The following TMEM163 variants were observed in gnomAD, a reference collection of about 807,000 sequenced individuals.
The protein encoded by TMEM163 is transmembrane protein 163.
TMEM163 carries 17 observed loss-of-function variants against 29.3 expected under a neutral mutation model. The observed-to-expected ratio is 0.58, with a 90% CI of 0.40 to 0.87. The LOEUF (loss-of-function observed/expected upper bound fraction) is 0.87, where lower values mean the gene tolerates loss of function less well. Among genes scored for constraint, TMEM163 ranks in the 40% least tolerant of loss-of-function variants. TMEM163 has a pLI of 0.00. For synonymous variants in TMEM163, 157 were observed against 160.6 expected, an observed-to-expected ratio of 0.98 and a Z score of 0.17; for missense variants, 303 against 381.5, an observed-to-expected ratio of 0.79 and a Z score of 1.71.
intron 5 of TMEM163, among the ~76,000 whole-genome samples, chr2:134,502,050 C>CA (rs1679706927): frequency 6.6e-6 from 1 of 152,166 alleles, no homozygotes; most frequent in Non-Finnish European, 1.5e-5. Flanking sequence ...CACACATATA[C>CA]ACACAAACAC....
chr2:134,615,717 C>T (rs1047681821), intron 2 of TMEM163, among the ~76,000 whole-genome samples: 4 of 132,816 alleles, frequency 3.0e-5, no homozygotes, highest in South Asian at 2.4e-4. Flanking sequence ...AGTGCAGTGG[C>T]GCAATCTCGG....
intron 2 of TMEM163, among the ~76,000 whole-genome samples, chr2:134,636,662 G>A (rs1371397088): frequency 6.6e-6 from 1 of 152,190 alleles, no homozygotes; most frequent in Non-Finnish European, 1.5e-5. Flanking sequence ...TGCCTTTGTA[G>A]CACTAACAAA....
At chr2:134,590,096 C>A (rs560297088) in intron 2 of TMEM163, among the ~76,000 whole-genome samples, 6 of 150,446 alleles carry the variant, frequency 4.0e-5, no homozygotes, top group African/African-American at 1.2e-4. Context: ...CCTCTCCCAC[C>A]CTCCAGGCCC....
intron 2 of TMEM163, among the ~76,000 whole-genome samples, chr2:134,663,441 C>T (rs981302198): frequency 1.3e-5 from 2 of 152,210 alleles, no homozygotes; most frequent in Admixed American, 1.3e-4. Flanking sequence ...AGATGATAAA[C>T]CCTTTGCAGA....
intron 2 of TMEM163, among the ~76,000 whole-genome samples, chr2:134,558,895 T>C (rs548583589): frequency 8.5e-5 from 13 of 152,282 alleles, no homozygotes; most frequent in Middle Eastern, 3.4e-3. Flanking sequence ...AATCCTACTT[T>C]AATTGGACAG....
chr2:134,631,644 T>C (rs1020114985), intron 2 of TMEM163, among the ~76,000 whole-genome samples: 4 of 152,346 alleles, frequency 2.6e-5, no homozygotes, highest in Admixed American at 2.6e-4. Flanking sequence ...ATGGGAGCTA[T>C]TTCTGGGTTC....
chr2:134,545,169 G>C (rs1680752202), intron 4 of TMEM163, among the ~76,000 whole-genome samples: 1 of 152,098 alleles, frequency 6.6e-6, no homozygotes, highest in Non-Finnish European at 1.5e-5. Flanking sequence ...AACAGATAGT[G>C]CTTCATTCTT....
intron 5 of TMEM163, among the ~76,000 whole-genome samples, chr2:134,480,789 C>CT (rs1282256215): frequency 6.6e-6 from 1 of 151,490 alleles, no homozygotes; most frequent in Non-Finnish European, 1.5e-5. Context: ...TTGTGCTCGA[C>CT]TAACACCCTG....
At chr2:134,587,488 C>G (rs1241414742) in intron 2 of TMEM163, among the ~76,000 whole-genome samples, 1 of 152,130 alleles carries the variant, frequency 6.6e-6, no homozygotes, top group African/African-American at 2.4e-5. Context: ...AAAACCTGAA[C>G]GCAGCAGGCC....
At chr2:134,634,282 C>G (rs1336421240) in intron 2 of TMEM163, among the ~76,000 whole-genome samples, 2 of 152,088 alleles carry the variant, frequency 1.3e-5, no homozygotes. Context: ...CGGTTCACAG[C>G]CAGGCTTTGG....
intron 2 of TMEM163, among the ~76,000 whole-genome samples, chr2:134,658,594 A>AAT (rs542562283): frequency 2.2e-4 from 33 of 149,784 alleles, no homozygotes; most frequent in Middle Eastern, 6.8e-3. Context: ...TTTTCTCTGA[A>AAT]ATATATATAT....
At chr2:134,715,723 G>A (rs572547407) in intron 1 of TMEM163, among the ~76,000 whole-genome samples, 109 of 152,332 alleles carry the variant, frequency 7.2e-4, no homozygotes, top group South Asian at 1.7e-3. Flanking sequence ...AAGATGTAGT[G>A]AGAATTCCTA....
intron 2 of TMEM163, among the ~76,000 whole-genome samples, chr2:134,640,410 C>A (rs10496730): frequency 0.044 from 6,633 of 152,046 alleles, 490 homozygotes; most frequent in African/African-American, 0.15. Context: ...CAGAAGATGA[C>A]AATATACTGA....
intron 2 of TMEM163, among the ~76,000 whole-genome samples, chr2:134,594,539 CA>C (rs1222088184): frequency 3.3e-5 from 5 of 152,178 alleles, no homozygotes; most frequent in Non-Finnish European, 7.3e-5. Flanking sequence ...CTCACACACA[CA>C]GCGGGATAAA....
chr2:134,674,677 A>C (rs1228170214), intron 2 of TMEM163, among the ~76,000 whole-genome samples: 1 of 152,074 alleles, frequency 6.6e-6, no homozygotes, highest in Non-Finnish European at 1.5e-5. Flanking sequence ...TTAAAAAAAA[A>C]CAAAACCTGA....
chr2:134,635,666 C>T (rs1309605881), intron 2 of TMEM163, among the ~76,000 whole-genome samples: 3 of 152,020 alleles, frequency 2.0e-5, no homozygotes, highest in African/African-American at 4.8e-5. Context: ...AACCAATAAG[C>T]CCATGCAGAA....
chr2:134,550,586 C>A lies in TMEM163; in HGVS notation c.442G>T (p.Ala148Ser). Residue 148 changes from alanine (A) to serine (S), a missense_variant, in exon 4 of 8, where the codon GCC becomes TCC. Around this residue, in one of 2 missense-constraint regions of TMEM163, gnomAD observed 203 missense variants for 294.3 expected, o/e 0.69. Transcript: ENST00000281924. Reference sequence around the variant, plus strand: ...TCTACTTACATGTACTCCCTATGGGCAGAGTGCACAGCGGCCGCGTTGCTG... The same window carrying A: ...TCTACTTACATGTACTCCCTATGGGAAGAGTGCACAGCGGCCGCGTTGCTG... ...RYSNAAAVHSAHREYIACVIL... is the reference protein window; with the variant it reads ...RYSNAAAVHSSHREYIACVIL... 6.2e-7 allele frequency: 1 copy of A among 1,614,122 alleles called. No homozygotes were observed. Among genetic ancestry groups the A allele is most frequent in the Non-Finnish European group, 8.5e-7 (1 of 1,179,990 alleles).
chr2:134,705,216 A>C (rs980442840), intron 2 of TMEM163, among the ~76,000 whole-genome samples: 11 of 152,048 alleles, frequency 7.2e-5, no homozygotes, highest in African/African-American at 2.7e-4. Context: ...TCTCAAAAAA[A>C]AAAAAAAATT....
intron 2 of TMEM163, among the ~76,000 whole-genome samples, chr2:134,678,263 C>T (rs563336164): frequency 3.3e-5 from 5 of 152,266 alleles, no homozygotes; most frequent in Non-Finnish European, 4.4e-5. Context: ...GGGGTGCGAG[C>T]GCCAGGACAG....
Sources: allele counts gnomAD v4.1 joint callset (sites outside exome capture counted in the v4.1 genomes callset), GRCh38; gene constraint gnomAD v4.1.1; regional missense constraint gnomAD v4.1.1; transcripts MANE v1.5; gene names NCBI Gene and HGNC (gene_info 2026-07-23, HGNC 2026-07-21).